The following DCAF4 variants were observed in gnomAD, a reference collection of about 807,000 sequenced individuals.
DCAF4 encodes the protein DDB1 and CUL4 associated factor 4.
In DCAF4, 37 loss-of-function variants were observed where a neutral mutation model predicts 60.9. The observed-to-expected ratio is 0.61, with a 90% confidence interval of 0.47 to 0.80. The LOEUF (loss-of-function observed/expected upper bound fraction) is 0.80, where lower values mean the gene tolerates loss of function less well. Ranked by LOEUF, DCAF4 falls within the 30% of genes least tolerant of loss-of-function variation. The pLI is 0.00. For missense variants in DCAF4, 577 were observed against 650.0 expected (o/e 0.89, Z 1.22); for synonymous variants, 243 against 254.8 (o/e 0.95, Z 0.44).
chr14:72,953,755 ATATATATAGT>A (rs1891835418), intron 9 of DCAF4, among the ~76,000 whole-genome samples: 2 of 65,234 alleles, frequency 3.1e-5, no homozygotes, highest in Non-Finnish European at 6.8e-5. Flanking sequence ...ATATATATAT[ATATATATAGT>A]TTATTTATTT....
In DCAF4 at chr14:72,959,151, A is replaced by G; in HGVS notation, c.*346A>G. On this transcript the variant is annotated 3_prime_UTR_variant, in exon 14 of 14. Coordinates refer to ENST00000358377, the MANE Select transcript of DCAF4 (RefSeq NM_015604.4). The stretch of plus-strand genomic sequence containing the variant: ...AAAACGAAAAGCTTCTTCCTCCAAG[A>G]GCCCATTGAAGAAGCCCAGTGATGA... 1 of 1,008,834 alleles carries G rather than the reference A, an allele frequency of 9.9e-7. No individual in the cohort carries two copies. The highest frequency in any genetic ancestry group is 1.2e-6 in the Non-Finnish European group (1 of 844,968). The allele number at this position is 1,008,834 out of a possible 1,614,324, so 62.5% of individuals were successfully genotyped here.
At chr14:72,935,910 G>GTAA in intron 1 of DCAF4, among the ~76,000 whole-genome samples, 1 of 152,230 alleles carries the variant, frequency 6.6e-6, no homozygotes, top group East Asian at 1.9e-4. Context: ...TATAGAGTTG[G>GTAA]TAATAATAAT....
At chr14:72,937,132 T>G (rs1318842072) in intron 1 of DCAF4, among the ~76,000 whole-genome samples, 2 of 152,216 alleles carry the variant, frequency 1.3e-5, no homozygotes, top group Non-Finnish European at 2.9e-5. Context: ...TATGCCCATT[T>G]TTTTGGATTA....
chr14:72,947,444 ACTGT>A (rs1184758278), intron 8 of DCAF4, among the ~76,000 whole-genome samples: 1 of 152,230 alleles, frequency 6.6e-6, no homozygotes, highest in Admixed American at 6.5e-5. Flanking sequence ...TGTGGCAGAC[ACTGT>A]CTGGGCCTTC....
At chr14:72,937,414 T>TC (rs1286432745) in intron 1 of DCAF4, among the ~76,000 whole-genome samples, 2 of 141,370 alleles carry the variant, frequency 1.4e-5, no homozygotes, top group Admixed American at 7.0e-5. Flanking sequence ...TCTTTTCTTT[T>TC]TTTTTTTTTT....
At chr14:72,957,324 T>C (rs1892440907) in intron 13 of DCAF4, 1 of 152,290 alleles carries the variant, frequency 6.6e-6, no homozygotes, top group African/African-American at 2.4e-5. Flanking sequence ...GGAAGGGAGT[T>C]ACCAGTTGAT....
Position 72,959,236 on chromosome 14 carries a change from G to C in DCAF4, c.*431G>C. 2.0e-6 allele frequency: 2 copies of C among 989,462 alleles called. No homozygotes were observed. The highest frequency in any genetic ancestry group is 2.4e-6 in the Non-Finnish European group (2 of 832,626). The allele number at this position is 989,462 out of a possible 1,614,324, so 61.3% of individuals were successfully genotyped here. ...TAGCAGGAAGAAAGACCTGCATCCT[G>C]CATCTGTACTTGGGGAAGCCAGCGG... On this transcript the variant is annotated 3_prime_UTR_variant, in exon 14 of 14. Coordinates refer to ENST00000358377, the MANE Select transcript of DCAF4 (RefSeq NM_015604.4).
chr14:72,938,583 G>A (rs1889608570), intron 2 of DCAF4, among the ~76,000 whole-genome samples: 1 of 152,072 alleles, frequency 6.6e-6, no homozygotes, highest in Non-Finnish European at 1.5e-5. Flanking sequence ...AAACCTACAT[G>A]GTACAGCCAG....
At chr14:72,950,010 CT>C (rs1327246779) in intron 8 of DCAF4, among the ~76,000 whole-genome samples, 1 of 152,066 alleles carries the variant, frequency 6.6e-6, no homozygotes, top group African/African-American at 2.4e-5. Flanking sequence ...CCAGGGACCC[CT>C]AATAGGAGGA....
At chr14:72,945,361 C>G (rs1193430844) in intron 6 of DCAF4, among the ~76,000 whole-genome samples, 1 of 151,980 alleles carries the variant, frequency 6.6e-6, no homozygotes, top group Non-Finnish European at 1.5e-5. Flanking sequence ...CTACTGCACT[C>G]CAGCCTGGGT....
intron 11 of DCAF4, among the ~76,000 whole-genome samples, chr14:72,954,892 G>A (rs528069895): frequency 1.9e-4 from 29 of 152,252 alleles, no homozygotes; most frequent in African/African-American, 7.0e-4. Context: ...CAAGATGGGT[G>A]GATCACAAGG....
At position 72,943,075 on chromosome 14, in the gene DCAF4, C is replaced by T. The variant is rs764952635; in HGVS notation, c.513C>T (p.Ser171=). ...IRSMDPSALA[S]DRFNLILADT... ...GCATGGATCCCTCCGCCTTGGCAAGCGACCGATTTAACCTCATACTGGTGA... is the reference window on the plus strand; with the variant it reads ...GCATGGATCCCTCCGCCTTGGCAAGTGACCGATTTAACCTCATACTGGTGA... Residue 171 remains serine, a synonymous_variant, in exon 6 of 14, where the codon AGC becomes AGT. Coordinates refer to ENST00000358377, the MANE Select transcript of DCAF4 (RefSeq NM_015604.4). The T allele has an allele frequency of 3.7e-6, 6 of 1,614,056 alleles. No individual in the cohort carries two copies. Among genetic ancestry groups the T allele is most frequent in the Non-Finnish European group, 5.1e-6 (6 of 1,180,024 alleles).
At position 72,958,644 on chromosome 14, in the gene DCAF4, C is replaced by T. The variant is rs1170657555; in HGVS notation, c.1327C>T (p.Leu443Phe). The T allele has an allele frequency of 2.2e-5, 35 of 1,614,070 alleles. No homozygotes were observed. Among genetic ancestry groups the T allele is most frequent in the Non-Finnish European group, 3.0e-5 (35 of 1,180,030 alleles). Reference protein sequence around the residue: ...GQDCYTRIWSLHDARLLRTIP... With the variant: ...GQDCYTRIWSFHDARLLRTIP... ...GGACTGCTACACGAGAATCTGGAGC[C>T]TCCACGATGCCCGCCTACTGAGAAC... Residue 443 changes from leucine to phenylalanine, a missense_variant, in exon 14 of 14, where the codon CTC becomes TTC. Physicochemically the swap from Leu to Phe is conservative, Grantham distance 22. Coordinates refer to ENST00000358377, the MANE Select transcript of DCAF4 (RefSeq NM_015604.4).
intron 6 of DCAF4, among the ~76,000 whole-genome samples, chr14:72,943,911 A>G (rs1249382703): frequency 6.6e-6 from 1 of 152,094 alleles, no homozygotes; most frequent in East Asian, 1.9e-4. Flanking sequence ...GCCCCAGGAG[A>G]CCGCCACAGC....
intron 1 of DCAF4, among the ~76,000 whole-genome samples, chr14:72,937,495 A>G (rs1174259027): frequency 3.6e-5 from 5 of 138,174 alleles, no homozygotes; most frequent in African/African-American, 1.1e-4. Context: ...ATCTCAGCTC[A>G]CTGTAAACTC....
intron 1 of DCAF4, chr14:72,929,529 G>T: frequency 1.3e-6 from 1 of 764,664 alleles, no homozygotes. Context: ...GCGAGACCCC[G>T]TCTCTACAAA....
rs551816519 is a variant in DCAF4, at chr14:72,953,731, AAAT to A, written c.809-431_809-429del. 9.0e-4 allele frequency among the ~76,000 whole-genome samples: 33 copies of A among 36,550 alleles called. 2 individuals carry two copies. Among genetic ancestry groups the A allele is most frequent in the Non-Finnish European group, 1.1e-3 (23 of 21,206 alleles). The allele number at this position is 36,550 out of a possible 152,430, so 24.0% of individuals were successfully genotyped here. ...TCTTAAAAAAAAAAAAAAAAAAAAA[AAAT>A]ATATATATATATATATATATATATA... is the stretch of plus-strand genomic sequence containing the variant. On this transcript the variant is annotated intron_variant, in intron 9 of 13. Transcript: ENST00000358377.
At chr14:72,934,072 T>TC (rs932657153) in intron 1 of DCAF4, among the ~76,000 whole-genome samples, 1 of 148,040 alleles carries the variant, frequency 6.8e-6, no homozygotes, top group African/African-American at 2.5e-5. Flanking sequence ...TGCAGGCTCA[T>TC]CCCCCCCATT....
chr14:72,936,794 T>G (rs1889341516), intron 1 of DCAF4, among the ~76,000 whole-genome samples: 2 of 152,144 alleles, frequency 1.3e-5, no homozygotes, highest in Non-Finnish European at 2.9e-5. Flanking sequence ...TGAGGTGGTG[T>G]TAAGTCTGAA....
Sources: gnomAD v4.1 joint callset for allele counts (sites outside exome capture counted in the v4.1 genomes callset) on GRCh38, gnomAD v4.1.1 for gene constraint, MANE v1.5 for transcripts, NCBI Gene and HGNC (gene_info 2026-07-23, HGNC 2026-07-21) for gene names.